SF1: variants seen among roughly 807,000 people sequenced by gnomAD.
SF1 encodes the protein splicing factor 1.
In SF1, 7 loss-of-function variants were observed where a neutral mutation model predicts 62.5. That is an observed-to-expected ratio of 0.11 (90% confidence interval 0.06 to 0.21). The LOEUF (loss-of-function observed/expected upper bound fraction) is 0.21, where lower values mean the gene tolerates loss of function less well. Among genes scored for constraint, SF1 ranks in the 10% least tolerant of loss-of-function variants. SF1 has a pLI of 1.00. For missense variants in SF1, 578 were observed against 884.0 expected (o/e 0.65, Z 4.39); for synonymous variants, 394 against 323.6 (o/e 1.22, Z -2.33).
At chr11:64,778,211 G>A (rs1442560739) in intron 1 of SF1, 151 bp downstream of exon 1, 57 of 1,127,118 alleles carry the variant, frequency 5.1e-5, no homozygotes, top group Non-Finnish European at 6.2e-5. Flanking sequence ...GGGGAAGGCC[G>A]CGGTCAGGGC....
rs1339885388 is a variant in SF1 at position 64,766,024 on chromosome 11, C to CG, written c.1713dup (p.Gly572ArgfsTer40). On this transcript the variant is annotated frameshift_variant, in exon 13 of 13. Coordinates refer to ENST00000377390, the MANE Select transcript of SF1 (RefSeq NM_004630.4). LOFTEE classifies it high-confidence loss of function. ...CCAGGCGGCAGAGGCGGCTGGACCC[C>CG]GGGGGGCAGGGGCACCATAGTGGGG... is the stretch of plus-strand genomic sequence containing the variant. The CG allele has an allele frequency of 3.5e-6, 5 of 1,433,240 alleles. No homozygotes were observed. The highest frequency in any genetic ancestry group is 2.8e-6 in the Non-Finnish European group (3 of 1,067,744). The allele number at this position is 1,433,240 out of a possible 1,614,324, so 88.8% of individuals were successfully genotyped here. A position where few individuals can be genotyped will look rare whatever the true frequency, so the allele number is the denominator to read the frequency against.
At chr11:64,769,937 A>G (rs1039933358) in intron 5 of SF1, 27 bp downstream of exon 5, 3 of 1,548,496 alleles carry the variant, frequency 1.9e-6, no homozygotes, top group African/African-American at 2.7e-5. Context: ...AAGGAATTCT[A>G]TATCCTATAG....
intron 8 of SF1, 52 bp from the exon 9 acceptor site, chr11:64,768,338 AG>A: frequency 6.4e-7 from 1 of 1,564,576 alleles, no homozygotes; most frequent in Non-Finnish European, 8.7e-7. Context: ...CTTGTTAAGA[AG>A]GAAGCTTTTA....
intron 12 of SF1, 34 bp downstream of exon 12, chr11:64,766,866 A>ACC: frequency 5.5e-6 from 1 of 181,356 alleles, no homozygotes; most frequent in Non-Finnish European, 1.0e-5. Flanking sequence ...CCCCCATCCC[A>ACC]CCCACCCCCA....
rs1565558612 is a variant in SF1 at position 64,767,575 on chromosome 11, T to A, written c.1338A>T (p.Pro446=). 1 of 1,553,444 alleles carries A rather than the reference T, an allele frequency of 6.4e-7. No homozygotes were observed. Among genetic ancestry groups the A allele is most frequent in the East Asian group, 2.3e-5 (1 of 44,102 alleles). The change falls in exon 10 of 13, where the codon CCA becomes CCT. Residue 446 remains proline, a synonymous_variant. Transcript: ENST00000377390. ...TCTGGTCTGACACTTACTTACCCAT[T>A]GGAGGAGGGCCATGGTGCCCAGGAG... ...PHPPGHHGPP[P]MDQYLGSTPV...
intron 1 of SF1, chr11:64,778,149 G>T: frequency 1.2e-6 from 1 of 854,162 alleles, no homozygotes; most frequent in Non-Finnish European, 1.5e-6. Context: ...GGCGGCGGCT[G>T]CTGGGGAGGC....
At position 64,767,258 on chromosome 11, in the gene SF1, G is replaced by A; in HGVS notation, c.1343-7C>T. 2 of 1,613,814 alleles carry A rather than the reference G, an allele frequency of 1.2e-6. No individual in the cohort carries two copies. The highest frequency in any genetic ancestry group is 1.7e-6 in the Non-Finnish European group (2 of 1,179,728). ...GTACTTCCCAGGTACTGATCTTGAT[G>A]GAAGGAAAGAGCAGGGACTTAGCAG... On this transcript the variant is annotated splice_polypyrimidine_tract_variant and splice_region_variant and intron_variant, in intron 10 of 12. Coordinates refer to ENST00000377390, the MANE Select transcript of SF1 (RefSeq NM_004630.4).
chr11:64,768,319 G>A (rs1313311454), intron 8 of SF1, 33 bp from the exon 9 acceptor site: 7 of 1,595,874 alleles, frequency 4.4e-6, no homozygotes, highest in South Asian at 1.1e-5. Context: ...AACAGAGAAA[G>A]GGGAAAAACT....
chr11:64,767,486 A>C, intron 10 of SF1, 85 bp downstream of exon 10: 4 of 1,379,334 alleles, frequency 2.9e-6, no homozygotes, highest in Non-Finnish European at 3.9e-6. Context: ...CAGCCACTTG[A>C]GAGCTGCTTC....
chr11:64,777,735 G>A (rs1281988913), intron 1 of SF1: 13 of 985,470 alleles, frequency 1.3e-5, no homozygotes, highest in African/African-American at 1.0e-4. Context: ...CAGTTGCGCC[G>A]CACAGCCCGG....
chr11:64,770,949 A>C (rs1346923442), intron 3 of SF1, among the ~76,000 whole-genome samples: 3 of 152,184 alleles, frequency 2.0e-5, no homozygotes, highest in African/African-American at 7.2e-5. Context: ...CACAATGGAG[A>C]GAGATGGTTC....
Position 64,765,978 on chromosome 11 carries a change from G to T in SF1, c.1760C>A (p.Pro587His). 1 of 1,598,856 alleles carries T rather than the reference G, an allele frequency of 6.3e-7. No individual in the cohort carries two copies. Among genetic ancestry groups the T allele is most frequent in the Non-Finnish European group, 8.5e-7 (1 of 1,172,872 alleles). ...CATGCCGGCGGAACCAGGCGGTGGA[G>T]GCGGCGGAGGGGGAGGGGCCCCAGG... Reference protein sequence around the residue: ...LPPGAPPPPPPPPPGSAGMMY... With the variant: ...LPPGAPPPPPHPPPGSAGMMY... Residue 587 changes from proline (P) to histidine (H), a missense_variant, in exon 13 of 13, where the codon CCT becomes CAT. Pro to His is a moderately conservative substitution (Grantham distance 77). This residue lies in a region of SF1 where 410 missense variants were observed against 452.4 expected (regional missense o/e 0.91). Transcript: ENST00000377390.
At position 64,776,633 on chromosome 11, in the gene SF1, G is replaced by A. The variant is rs760589935; in HGVS notation, c.32-7C>T. 21 of 1,605,500 alleles carry A rather than the reference G, an allele frequency of 1.3e-5. No homozygotes were observed. Among genetic ancestry groups the A allele is most frequent in the East Asian group, 4.5e-5 (2 of 44,656 alleles). On this transcript the variant is annotated splice_region_variant and splice_polypyrimidine_tract_variant and intron_variant, in intron 1 of 12. Transcript: ENST00000377390. The stretch of plus-strand genomic sequence containing the variant: ...CGCTTCTTACTTGGGAAGTCTAAAA[G>A]GCAGAGACAAAATCCATCCGATGTA...
intron 8 of SF1, 52 bp downstream of exon 8, chr11:64,768,970 G>T: frequency 1.7e-6 from 2 of 1,206,902 alleles, no homozygotes; most frequent in Non-Finnish European, 1.2e-6. Context: ...TGCCAGAAAA[G>T]TTGTCCTGCA....
At chr11:64,771,600 T>C in intron 3 of SF1, 4 of 985,444 alleles carry the variant, frequency 4.1e-6, no homozygotes, top group Non-Finnish European at 4.8e-6. Flanking sequence ...GGTTTGTTCA[T>C]GGCTAATGAC....
chr11:64,776,995 T>G (rs71537680), intron 1 of SF1, among the ~76,000 whole-genome samples: 1 of 152,310 alleles, frequency 6.6e-6, no homozygotes, highest in Middle Eastern at 3.4e-3. Flanking sequence ...TGAAGAATCA[T>G]AGATTTGTAA....
chr11:64,769,018 T>C lies in SF1; in HGVS notation c.887+4A>G. 1 of 1,606,142 alleles carries C rather than the reference T, an allele frequency of 6.2e-7. No individual in the cohort carries two copies. Among genetic ancestry groups the C allele is most frequent in the Non-Finnish European group, 8.5e-7 (1 of 1,172,718 alleles). ...CCAGGAAACCGCAAGAGCCAGCCCC[T>C]CACCTTTGGAATTTACAGTCTGAAG... is the stretch of plus-strand genomic sequence containing the variant. On this transcript the variant is annotated splice_donor_region_variant and intron_variant, in intron 8 of 12. Transcript: ENST00000377390.
chr11:64,773,144 CCT>C, intron 3 of SF1: 1 of 1,243,120 alleles, frequency 8.0e-7, no homozygotes, highest in Non-Finnish European at 1.0e-6. Flanking sequence ...CTCACTGTCC[CCT>C]AAGGGTGGGT....
chr11:64,775,064 G>A (rs1339321872), intron 2 of SF1, among the ~76,000 whole-genome samples: 3 of 152,032 alleles, frequency 2.0e-5, no homozygotes, highest in African/African-American at 7.3e-5. Context: ...GCTCCTTTAT[G>A]CCTAAAAAGT....
Sources: gnomAD v4.1 joint callset for allele counts (sites outside exome capture counted in the v4.1 genomes callset) on GRCh38, gnomAD v4.1.1 for gene constraint, gnomAD v4.1.1 regional missense constraint, MANE v1.5 for transcripts, NCBI Gene and HGNC (gene_info 2026-07-23, HGNC 2026-07-21) for gene names.